The following RASAL2 variants were observed in gnomAD, a reference collection of about 807,000 sequenced individuals.
The protein encoded by RASAL2 is ras GTPase-activating protein nGAP.
Under a neutral mutation model 128.9 loss-of-function variants are expected in RASAL2, and 58 were observed. The observed-to-expected ratio is 0.45, with a 90% CI of 0.36 to 0.56. The LOEUF (loss-of-function observed/expected upper bound fraction) is 0.56, where lower values mean the gene tolerates loss of function less well. Among genes scored for constraint, RASAL2 ranks in the 20% least tolerant of loss-of-function variants. The probability of loss-of-function intolerance (pLI) is 0.00; values close to 1 mark genes in which losing one functional copy is unlikely to be tolerated. For missense variants in RASAL2, 1,360 were observed against 1,601.6 expected (o/e 0.85, Z 2.57); for synonymous variants, 561 against 580.8 (o/e 0.97, Z 0.49).
At chr1:178,259,564 A>G (rs1363472574) in intron 1 of RASAL2, among the ~76,000 whole-genome samples, 8 of 152,302 alleles carry the variant, frequency 5.3e-5, no homozygotes, top group Non-Finnish European at 1.0e-4. Flanking sequence ...CCGTCTTCCT[A>G]GGTAAACTAC....
chr1:178,407,925 G>A (rs1052901128), intron 4 of RASAL2, among the ~76,000 whole-genome samples: 1 of 152,004 alleles, frequency 6.6e-6, no homozygotes, highest in Admixed American at 6.6e-5. Flanking sequence ...CAGTCTTCAG[G>A]GAATACTCCA....
intron 1 of RASAL2, among the ~76,000 whole-genome samples, chr1:178,174,189 G>A (rs954413173): frequency 4.0e-5 from 6 of 151,890 alleles, no homozygotes; most frequent in African/African-American, 7.2e-5. Context: ...CTTGGAAAAT[G>A]TCAGCAATAT....
At chr1:178,459,784 A>G (rs1678045868) in intron 14 of RASAL2, among the ~76,000 whole-genome samples, 1 of 152,202 alleles carries the variant, frequency 6.6e-6, no homozygotes, top group Non-Finnish European at 1.5e-5. Context: ...TTACTGAGTA[A>G]TAAAGTTTTT....
At chr1:178,450,070 G>GAACA (rs1677271010) in intron 9 of RASAL2, among the ~76,000 whole-genome samples, 2 of 152,074 alleles carry the variant, frequency 1.3e-5, no homozygotes, top group Non-Finnish European at 2.9e-5. Context: ...GAGACATAGA[G>GAACA]AACATATTGA....
chr1:178,141,193 C>CTTTTTT (rs71297900), intron 1 of RASAL2, among the ~76,000 whole-genome samples: 4,922 of 73,394 alleles, frequency 0.067, 37 homozygotes, highest in Non-Finnish European at 0.084. Flanking sequence ...CTTTTCTTTT[C>CTTTTTT]TTTTTTTTTT....
chr1:178,138,284 C>G (rs1558074950), intron 1 of RASAL2, among the ~76,000 whole-genome samples: 1 of 152,140 alleles, frequency 6.6e-6, no homozygotes, highest in Non-Finnish European at 1.5e-5. Context: ...AAGTCATGAG[C>G]TGATTCTCCT....
At chr1:178,403,002 T>C (rs1170146763) in intron 4 of RASAL2, among the ~76,000 whole-genome samples, 1 of 152,176 alleles carries the variant, frequency 6.6e-6, no homozygotes, top group African/African-American at 2.4e-5. Context: ...CTCATTATTA[T>C]ATTCCTTAAA....
At chr1:178,411,832 G>A in intron 4 of RASAL2, 1 of 763,210 alleles carries the variant, frequency 1.3e-6, no homozygotes, top group Admixed American at 1.7e-5. Context: ...AGGTATCACT[G>A]CCCTACACGT....
At chr1:178,113,705 C>T (rs1047644447) in intron 1 of RASAL2, among the ~76,000 whole-genome samples, 8 of 151,984 alleles carry the variant, frequency 5.3e-5, no homozygotes, top group Admixed American at 5.2e-4. Flanking sequence ...ATCACTTTGT[C>T]ACTTTTACAG....
intron 1 of RASAL2, among the ~76,000 whole-genome samples, chr1:178,230,831 G>C (rs528170105): frequency 5.3e-5 from 8 of 152,260 alleles, no homozygotes; most frequent in Admixed American, 3.3e-4. Flanking sequence ...TGCTTCTGGG[G>C]TCTTGTGTCC....
At chr1:178,372,847 G>A (rs576572591) in intron 3 of RASAL2, among the ~76,000 whole-genome samples, 2 of 152,178 alleles carry the variant, frequency 1.3e-5, no homozygotes, top group Non-Finnish European at 2.9e-5. Flanking sequence ...ATTTTTGAAT[G>A]CTTTCTAATA....
At position 178,179,884 on chromosome 1, in the gene RASAL2, G is replaced by A. The variant is rs561814643; in HGVS notation, c.202+85190G>A. ...TAATAAATAACAATCTTGTTCGTAC[G>A]AAATAGAAAATAACCATAATTTTCT... On this transcript the variant is annotated intron_variant, in intron 1 of 17. Coordinates refer to ENST00000367649, the MANE Select transcript of RASAL2 (RefSeq NM_170692.4). 3.9e-5 allele frequency among the ~76,000 whole-genome samples: 6 copies of A among 152,196 alleles called. No individual in the cohort carries two copies. The South Asian group carries it at 6.2e-4, about 16-fold the overall frequency.
chr1:178,123,600 A>G (rs1368872019), intron 1 of RASAL2: 2 of 152,230 alleles, frequency 1.3e-5, no homozygotes, highest in Non-Finnish European at 2.9e-5. Flanking sequence ...GCTCTTCCAG[A>G]TGTCAGGTTT....
At chr1:178,390,821 A>C (rs1322059471) in intron 4 of RASAL2, among the ~76,000 whole-genome samples, 2 of 152,138 alleles carry the variant, frequency 1.3e-5, no homozygotes, top group South Asian at 2.1e-4. Flanking sequence ...TCTTTTTATC[A>C]AGTTGCTAGC....
chr1:178,260,383 T>A (rs539057395), intron 1 of RASAL2, among the ~76,000 whole-genome samples: 712 of 16,428 alleles, frequency 0.043, 175 homozygotes, highest in African/African-American at 0.073. Flanking sequence ...TATATATATA[T>A]ATATATATAT....
At chr1:178,408,215 G>A (rs1359282055) in intron 4 of RASAL2, among the ~76,000 whole-genome samples, 1 of 152,160 alleles carries the variant, frequency 6.6e-6, no homozygotes, top group Non-Finnish European at 1.5e-5. Context: ...TTTGTTTTGA[G>A]TGTTTGATTA....
chr1:178,381,669 C>A (rs1672295140), intron 3 of RASAL2, among the ~76,000 whole-genome samples: 1 of 151,780 alleles, frequency 6.6e-6, no homozygotes, highest in African/African-American at 2.4e-5. Flanking sequence ...ATAATCAAGA[C>A]TAAATCTTTT....
chr1:178,236,500 G>A (rs1279204588), intron 1 of RASAL2, among the ~76,000 whole-genome samples: 1 of 151,976 alleles, frequency 6.6e-6, no homozygotes, highest in Non-Finnish European at 1.5e-5. Context: ...TTATCCATGT[G>A]GCAACTGGGT....
At chr1:178,199,041 C>A (rs1451212582) in intron 1 of RASAL2, among the ~76,000 whole-genome samples, 1 of 152,230 alleles carries the variant, frequency 6.6e-6, no homozygotes, top group African/African-American at 2.4e-5. Context: ...TCCAGCCAGG[C>A]TGGCTGCCCT....
Sources: allele counts gnomAD v4.1 joint callset (sites outside exome capture counted in the v4.1 genomes callset), GRCh38; gene constraint gnomAD v4.1.1; transcripts MANE v1.5; gene names NCBI Gene and HGNC (gene_info 2026-07-23, HGNC 2026-07-21).